NLN: variants seen among roughly 807,000 people sequenced by gnomAD.
NLN encodes the protein neurolysin, mitochondrial.
NLN carries 64 observed loss-of-function variants against 79.9 expected under a neutral mutation model. That is an observed-to-expected ratio of 0.80 (90% CI 0.65 to 0.99). The LOEUF is 0.99. Ranked by LOEUF, NLN falls within the 50% of genes least tolerant of loss-of-function variation. The pLI, the probability that NLN is intolerant of heterozygous loss-of-function variation, is 0.00. For missense variants in NLN, 835 were observed against 858.7 expected (o/e 0.97, Z 0.34); for synonymous variants, 267 against 296.6 (o/e 0.90, Z 1.02).
At chr5:65,764,566 T>A (rs1038262240) in intron 3 of NLN, among the ~76,000 whole-genome samples, 8 of 152,234 alleles carry the variant, frequency 5.3e-5, no homozygotes, top group African/African-American at 1.9e-4. Context: ...GTTTTGGGAT[T>A]GATCCCACTA....
chr5:65,763,286 G>T (rs1759379387), intron 3 of NLN, among the ~76,000 whole-genome samples, 178 bp downstream of exon 3: 1 of 152,166 alleles, frequency 6.6e-6, no homozygotes, highest in East Asian at 1.9e-4. Context: ...AGGTTATGTT[G>T]AGCTGCTAAT....
chr5:65,777,289 C>T (rs987850389), intron 3 of NLN, 138 bp from the exon 4 acceptor site: 4 of 637,302 alleles, frequency 6.3e-6, no homozygotes, highest in Non-Finnish European at 1.1e-5. Context: ...ATTAGGTCTT[C>T]AATAGGGCCT....
Position 65,823,074 on chromosome 5 carries a change from A to G in NLN, c.*159A>G. The stretch of plus-strand genomic sequence containing the variant: ...TAAAAATTATAAAGATGTAAATGGA[A>G]TTATAAATACTGTGACCTAAGAAAA... On this transcript the variant is annotated 3_prime_UTR_variant, in exon 13 of 13. Coordinates refer to ENST00000380985, the MANE Select transcript of NLN (RefSeq NM_020726.5). 1.7e-6 allele frequency: 1 copy of G among 577,590 alleles called. No homozygotes were observed. Among genetic ancestry groups the G allele is most frequent in the East Asian group, 2.9e-5 (1 of 34,472 alleles). The allele number at this position is 577,590 out of a possible 1,614,324, so 35.8% of individuals were successfully genotyped here. A position where few individuals can be genotyped will look rare whatever the true frequency, so the allele number is the denominator to read the frequency against.
rs766667552 is a variant in NLN, at chr5:65,822,814, C to T, written c.2014C>T (p.Pro672Ser). The change falls in exon 13 of 13, where the codon CCT becomes TCT. Residue 672 changes from proline to serine, a missense_variant. Physicochemically the swap from Pro to Ser is moderately conservative, Grantham distance 74 (BLOSUM62 -1). Coordinates refer to ENST00000380985, the MANE Select transcript of NLN (RefSeq NM_020726.5). The part of the protein sequence containing the change: ...GMKYRNLILK[P>S]GGSLDGMDML... ...GAAATACAGAAACCTAATCCTGAAA[C>T]CTGGGGGATCTCTGGACGGCATGGA... 3 of 1,611,454 alleles carry T rather than the reference C, an allele frequency of 1.9e-6. No homozygotes were observed. The highest frequency in any genetic ancestry group is 8.5e-7 in the Non-Finnish European group (1 of 1,177,688).
intron 1 of NLN, among the ~76,000 whole-genome samples, chr5:65,723,998 A>G (rs1758393644): frequency 6.6e-6 from 1 of 152,086 alleles, no homozygotes; most frequent in Non-Finnish European, 1.5e-5. Flanking sequence ...AAACTAATAA[A>G]TAGGCTAGGT....
At chr5:65,814,010 AGAG>A (rs1355703740) in intron 12 of NLN, among the ~76,000 whole-genome samples, 1 of 151,934 alleles carries the variant, frequency 6.6e-6, no homozygotes, top group Non-Finnish European at 1.5e-5. Context: ...CTCCTGTCTC[AGAG>A]GAGATGTCTC....
intron 1 of NLN, among the ~76,000 whole-genome samples, chr5:65,728,510 G>T (rs1758529720): frequency 6.6e-6 from 1 of 152,086 alleles, no homozygotes; most frequent in Non-Finnish European, 1.5e-5. Flanking sequence ...TACCTTTCAG[G>T]TCTTTGGTAC....
rs775979053 is a variant in NLN, at chr5:65,812,385, T to C, written c.1974T>C (p.Asn658=). ...YSCFKKEGIM[N]PEVGMKYRNL... ...GTTTTAAAAAAGAAGGGATAATGAA[T>C]CCAGAGGTATAGTATTATTTTTCTC... Residue 658 remains asparagine (N), a synonymous_variant, in exon 12 of 13, where the codon AAT becomes AAC. Coordinates refer to ENST00000380985, the MANE Select transcript of NLN (RefSeq NM_020726.5). The C allele has an allele frequency of 3.3e-6, 5 of 1,524,540 alleles. No homozygotes were observed. The highest frequency in any genetic ancestry group is 2.7e-6 in the Non-Finnish European group (3 of 1,100,162). The allele number at this position is 1,524,540 out of a possible 1,614,324, so 94.4% of individuals were successfully genotyped here. A position where few individuals can be genotyped will look rare whatever the true frequency, so the allele number is the denominator to read the frequency against.
At position 65,733,179 on chromosome 5, in the gene NLN, C is replaced by T. The variant is rs543146414; in HGVS notation, c.41+10765C>T. On this transcript the variant is annotated intron_variant, in intron 1 of 12. Transcript: ENST00000380985. ...GGACATGGAGTGTCTGTCTTAGTAACCAAGCCTCAGTCAGCTAAAGGAGCT... is the reference window on the plus strand; with the variant it reads ...GGACATGGAGTGTCTGTCTTAGTAATCAAGCCTCAGTCAGCTAAAGGAGCT... 7 of 1,502,348 alleles carry T rather than the reference C, an allele frequency of 4.7e-6. No individual in the cohort carries two copies. The South Asian group carries it at 5.7e-5, about 12-fold the overall frequency. The allele number at this position is 1,502,348 out of a possible 1,614,324, so 93.1% of individuals were successfully genotyped here. A position where few individuals can be genotyped will look rare whatever the true frequency, so the allele number is the denominator to read the frequency against.
At chr5:65,746,395 A>T (rs1042177389) in intron 1 of NLN, among the ~76,000 whole-genome samples, 4 of 152,212 alleles carry the variant, frequency 2.6e-5, no homozygotes, top group African/African-American at 9.7e-5. Context: ...ACAAAAAGTC[A>T]AGATGTAAAT....
chr5:65,738,430 A>G (rs1377356542), intron 1 of NLN, among the ~76,000 whole-genome samples: 1 of 151,826 alleles, frequency 6.6e-6, no homozygotes, highest in Non-Finnish European at 1.5e-5. Context: ...CAAAAAATGT[A>G]AAAAGCCAGA....
At chr5:65,818,317 T>G (rs1378892213) in intron 12 of NLN, among the ~76,000 whole-genome samples, 2 of 152,230 alleles carry the variant, frequency 1.3e-5, no homozygotes. Context: ...AACTATTTAA[T>G]TTAATTAATG....
chr5:65,748,326 C>T (rs1167693376), intron 1 of NLN, among the ~76,000 whole-genome samples: 1 of 152,164 alleles, frequency 6.6e-6, no homozygotes, highest in African/African-American at 2.4e-5. Flanking sequence ...AACTAAGAAT[C>T]ATGGGAGTAG....
intron 1 of NLN, among the ~76,000 whole-genome samples, chr5:65,750,911 G>A (rs1462088264): frequency 6.6e-6 from 1 of 152,170 alleles, no homozygotes; most frequent in Non-Finnish European, 1.5e-5. Context: ...CCCTGGACTT[G>A]AGCTATGGCC....
chr5:65,726,057 C>A (rs919236685), intron 1 of NLN, among the ~76,000 whole-genome samples: 1 of 149,658 alleles, frequency 6.7e-6, no homozygotes, highest in Admixed American at 6.7e-5. Context: ...GTTTGCAGTG[C>A]GCCGAGATTG....
intron 11 of NLN, among the ~76,000 whole-genome samples, chr5:65,811,989 C>T (rs139078071): frequency 6.6e-6 from 1 of 152,294 alleles, no homozygotes; most frequent in East Asian, 1.9e-4. Context: ...ACTGAGCTAT[C>T]TGGTGGGTGT....
chr5:65,789,301 C>T (rs1193305224), intron 8 of NLN, among the ~76,000 whole-genome samples: 1 of 152,120 alleles, frequency 6.6e-6, no homozygotes, highest in Non-Finnish European at 1.5e-5. Context: ...TATTATAGGT[C>T]CTATAAACTG....
chr5:65,738,980 T>TATATAAAA (rs1429675157), intron 1 of NLN, among the ~76,000 whole-genome samples: 4 of 28,268 alleles, frequency 1.4e-4, no homozygotes, highest in Non-Finnish European at 2.1e-4. Context: ...AATATATATA[T>TATATAAAA]TATATATTTA....
intron 1 of NLN, among the ~76,000 whole-genome samples, chr5:65,726,394 T>C (rs1041486671): frequency 5.3e-5 from 8 of 152,220 alleles, no homozygotes; most frequent in Non-Finnish European, 1.5e-5. Context: ...TAGCTACTAG[T>C]ATAGTTTGGT....
Sources: allele counts gnomAD v4.1 joint callset (sites outside exome capture counted in the v4.1 genomes callset), GRCh38; gene constraint gnomAD v4.1.1; transcripts MANE v1.5; gene names NCBI Gene and HGNC (gene_info 2026-07-23, HGNC 2026-07-21).